VSTM4: variants seen among roughly 807,000 people sequenced by gnomAD.
The protein encoded by VSTM4 is V-set and transmembrane domain containing 4.
In VSTM4, 20 loss-of-function variants were observed where a neutral mutation model predicts 36.4. The observed-to-expected ratio is 0.55, with a 90% CI of 0.39 to 0.80. The LOEUF (loss-of-function observed/expected upper bound fraction) is 0.80. Ranked by LOEUF, VSTM4 falls within the 30% of genes least tolerant of loss-of-function variation. The pLI, the probability that VSTM4 is intolerant of heterozygous loss-of-function variation, is 0.00. For missense variants in VSTM4, 392 were observed against 404.5 expected, an observed-to-expected ratio of 0.97 and a Z score of 0.26; for synonymous variants, 182 against 173.9, an observed-to-expected ratio of 1.05 and a Z score of -0.37.
At chr10:49,105,263 G>C (rs1321671925) in intron 2 of VSTM4, among the ~76,000 whole-genome samples, 2 of 140,338 alleles carry the variant, frequency 1.4e-5, no homozygotes, top group African/African-American at 5.2e-5. Flanking sequence ...TAGAAAGCCA[G>C]AAACAGAGAG....
At chr10:49,050,241 G>T (rs1297596002) in intron 5 of VSTM4, among the ~76,000 whole-genome samples, 1 of 152,136 alleles carries the variant, frequency 6.6e-6, no homozygotes, top group Non-Finnish European at 1.5e-5. Flanking sequence ...ATATATATTA[G>T]CATTTGCTTA....
At position 49,047,031 on chromosome 10, in the gene VSTM4, G is replaced by C; in HGVS notation, c.789C>G (p.Pro263=). The C allele has an allele frequency of 6.2e-7, 1 of 1,614,168 alleles. No individual in the cohort carries two copies. The highest frequency in any genetic ancestry group is 8.5e-7 in the Non-Finnish European group (1 of 1,180,014). ...PAVPAKAPIA[P]TFHKPKLLKP... ...TCAGCAGCTTCGGTTTATGGAACGT[G>C]GGGGCTATCGGAGCTGTGGAAGTAG... Residue 263 remains proline (P), a synonymous_variant, in exon 7 of 8, where the codon CCC becomes CCG. Transcript: ENST00000332853.
At chr10:49,060,068 C>A (rs998998585) in intron 5 of VSTM4, among the ~76,000 whole-genome samples, 2 of 152,230 alleles carry the variant, frequency 1.3e-5, no homozygotes, top group Non-Finnish European at 2.9e-5. Context: ...AGTGGTACCT[C>A]ACTGGGTGGA....
At chr10:49,060,285 T>C (rs1055898599) in intron 5 of VSTM4, among the ~76,000 whole-genome samples, 1 of 152,218 alleles carries the variant, frequency 6.6e-6, no homozygotes, top group South Asian at 2.1e-4. Flanking sequence ...TCAAGTTGTT[T>C]TCCCAAGTGG....
intron 2 of VSTM4, among the ~76,000 whole-genome samples, chr10:49,106,461 C>A (rs559031699): frequency 2.6e-5 from 4 of 152,340 alleles, no homozygotes; most frequent in African/African-American, 9.6e-5. Context: ...AAAATGACAA[C>A]CCCAAAATAT....
chr10:49,045,158 T>C (rs79307287), intron 7 of VSTM4, among the ~76,000 whole-genome samples: 8,117 of 152,148 alleles, frequency 0.053, 691 homozygotes, highest in African/African-American at 0.18. Flanking sequence ...GCCCTCAAGA[T>C]TGTCTTGGCA....
At position 49,115,469 on chromosome 10, in the gene VSTM4, A is replaced by G. The variant is rs1844979897; in HGVS notation, c.17T>C (p.Leu6Pro). MRLLA[L>P]AAAALLARAP... is the part of the protein sequence containing the mutation. ...CCGCGCCAGCAGCGCGGCCGCCGCCAGTGCCAGCAGCCGCATCTCCCCGCC... is the reference window on the plus strand; with the variant it reads ...CCGCGCCAGCAGCGCGGCCGCCGCCGGTGCCAGCAGCCGCATCTCCCCGCC... Residue 6 changes from leucine (L) to proline (P), a missense_variant, in exon 1 of 8, where the codon CTG becomes CCG. Physicochemically the swap from Leu to Pro is moderately conservative, Grantham distance 98. Coordinates refer to ENST00000332853, the MANE Select transcript of VSTM4 (RefSeq NM_001031746.5). 9.7e-7 allele frequency: 1 copy of G among 1,033,870 alleles called. No individual in the cohort carries two copies. The highest frequency in any genetic ancestry group is 4.5e-5 in the Admixed American group (1 of 22,124). 64.0% of individuals were successfully genotyped at this position (1,033,870 alleles called of 1,614,324 possible).
intron 2 of VSTM4, among the ~76,000 whole-genome samples, chr10:49,104,331 G>A (rs1358768967): frequency 6.6e-6 from 1 of 152,126 alleles, no homozygotes; most frequent in East Asian, 1.9e-4. Context: ...ATGAACATGA[G>A]GTGGAAATTT....
At chr10:49,106,046 T>C (rs1377638598) in intron 2 of VSTM4, among the ~76,000 whole-genome samples, 2 of 152,172 alleles carry the variant, frequency 1.3e-5, no homozygotes, top group Non-Finnish European at 2.9e-5. Context: ...GGAGAAAAAT[T>C]GCACATTCTA....
chr10:49,033,172 T>G (rs974927964), intron 7 of VSTM4, among the ~76,000 whole-genome samples: 2 of 152,162 alleles, frequency 1.3e-5, no homozygotes, highest in Non-Finnish European at 2.9e-5. Context: ...GCATACTGGT[T>G]AAAGAAATGA....
chr10:49,022,569 T>C (rs1041488857), intron 7 of VSTM4, among the ~76,000 whole-genome samples: 5 of 152,108 alleles, frequency 3.3e-5, no homozygotes, highest in African/African-American at 1.2e-4. Flanking sequence ...TAAGATCATT[T>C]ATAGGGATGG....
Position 49,014,640 on chromosome 10 carries a change from T to A in VSTM4, c.*5010A>T, listed in dbSNP as rs1229131900. On this transcript the variant is annotated 3_prime_UTR_variant, in exon 8 of 8. Transcript: ENST00000332853. The stretch of plus-strand genomic sequence containing the variant: ...TTTTTCCCAGAGAAAGAAAGCACTT[T>A]TAAAAAGCAGTAATCAATTAATTCA... 1 of 152,110 alleles carries A rather than the reference T, an allele frequency of 6.6e-6. No homozygotes were observed. Among genetic ancestry groups the A allele is most frequent in the Non-Finnish European group, 1.5e-5 (1 of 68,044 alleles). The allele number at this position is 152,110 out of a possible 1,614,324, so 9.4% of individuals were successfully genotyped here.
Position 49,075,721 on chromosome 10 carries a change from T to C in VSTM4, c.634+1498A>G, listed in dbSNP as rs144926114. ...CACCCATGCTACAGCCTCTGCCCCA[T>C]TGCCGATTGTGGAGCATGCTGGAGT... On this transcript the variant is annotated intron_variant, in intron 4 of 7. Transcript: ENST00000332853. Among the ~76,000 whole-genome samples the C allele has an allele frequency of 9.2e-5, 14 of 152,302 alleles. No individual in the cohort carries two copies. In the East Asian group the frequency reaches 1.9e-3, roughly 21 times the overall value.
At chr10:49,107,570 A>G in intron 2 of VSTM4, 24 bp downstream of exon 2, 1 of 1,583,472 alleles carries the variant, frequency 6.3e-7, no homozygotes, top group East Asian at 2.2e-5. Flanking sequence ...CACCACCTCT[A>G]CCCAGGGAGA....
At chr10:49,053,655 C>G (rs1334690135) in intron 5 of VSTM4, among the ~76,000 whole-genome samples, 1 of 152,230 alleles carries the variant, frequency 6.6e-6, no homozygotes, top group African/African-American at 2.4e-5. Flanking sequence ...TTTCATGGTA[C>G]TACCCAGGGA....
At chr10:49,054,895 C>A (rs1408217894) in intron 5 of VSTM4, among the ~76,000 whole-genome samples, 1 of 151,916 alleles carries the variant, frequency 6.6e-6, no homozygotes, top group Non-Finnish European at 1.5e-5. Context: ...GGGACTTTCA[C>A]AAATCCAGCC....
chr10:49,108,682 AGAG>A (rs2132028731), intron 1 of VSTM4, among the ~76,000 whole-genome samples: 1 of 152,326 alleles, frequency 6.6e-6, no homozygotes, highest in East Asian at 1.9e-4. Context: ...AACCCCAGGA[AGAG>A]GAGGGATGAG....
chr10:49,023,916 C>A (rs1324075464), intron 7 of VSTM4, among the ~76,000 whole-genome samples: 1 of 152,166 alleles, frequency 6.6e-6, no homozygotes, highest in Non-Finnish European at 1.5e-5. Flanking sequence ...CTCAAGGAAA[C>A]TGCTTGAAGG....
chr10:49,092,258 G>A (rs1844488741), intron 2 of VSTM4, among the ~76,000 whole-genome samples: 1 of 152,340 alleles, frequency 6.6e-6, no homozygotes, highest in East Asian at 1.9e-4. Flanking sequence ...TCTGCCTGAA[G>A]AGGGAGTTCA....
Sources: allele counts gnomAD v4.1 joint callset (sites outside exome capture counted in the v4.1 genomes callset), GRCh38; gene constraint gnomAD v4.1.1; transcripts MANE v1.5; gene names NCBI Gene and HGNC (gene_info 2026-07-23, HGNC 2026-07-21).